Variants in SEMA5B observed in about 807,000 individuals in gnomAD.
SEMA5B encodes semaphorin-5B.
A neutral mutation model predicts 135.0 loss-of-function variants in SEMA5B; 66 were observed. The ratio of observed to expected loss-of-function variants is 0.49; its 90% CI spans 0.40 to 0.60. The LOEUF is 0.60. Ranked by LOEUF, SEMA5B falls within the 20% of genes least tolerant of loss-of-function variation. The probability of loss-of-function intolerance (pLI) is 0.00; values close to 1 mark genes in which losing one functional copy is unlikely to be tolerated. For synonymous variants in SEMA5B, 690 were observed against 639.5 expected, an observed-to-expected ratio of 1.08 and a Z score of -1.19; for missense variants, 1,501 against 1,566.3, an observed-to-expected ratio of 0.96 and a Z score of 0.70.
chr3:122,967,151 C>T (rs893327980), intron 1 of SEMA5B, among the ~76,000 whole-genome samples: 16 of 152,210 alleles, frequency 1.1e-4, no homozygotes, highest in African/African-American at 3.6e-4. Flanking sequence ...TCCCAAAGTG[C>T]TGGGATTACA....
At chr3:123,013,986 G>A (rs1942496134) in intron 1 of SEMA5B, among the ~76,000 whole-genome samples, 4 of 152,226 alleles carry the variant, frequency 2.6e-5, no homozygotes, top group African/African-American at 7.2e-5. Flanking sequence ...GCACAGGAGG[G>A]CCAAGCCGGA....
At chr3:122,962,055 G>C (rs1417457011) in intron 1 of SEMA5B, among the ~76,000 whole-genome samples, 1 of 152,026 alleles carries the variant, frequency 6.6e-6, no homozygotes, top group Non-Finnish European at 1.5e-5. Context: ...GATTACATTG[G>C]GCCCATCTAG....
chr3:123,002,221 T>G (rs1361729181), intron 1 of SEMA5B, among the ~76,000 whole-genome samples: 1 of 152,172 alleles, frequency 6.6e-6, no homozygotes, highest in African/African-American at 2.4e-5. Context: ...TGGAGTCAGG[T>G]GGACAGGCAT....
At chr3:122,922,570 C>A (rs1008032093) in intron 10 of SEMA5B, 123 bp from the exon 11 acceptor site, 4 of 852,280 alleles carry the variant, frequency 4.7e-6, no homozygotes, top group African/African-American at 1.7e-5. Flanking sequence ...CAGCACCCCC[C>A]ACCCCTAGCA....
In SEMA5B at chr3:122,982,532, G is replaced by C. The variant is rs544473008; in HGVS notation, c.-38-21231C>G. 7.2e-5 allele frequency among the ~76,000 whole-genome samples: 11 copies of C among 152,272 alleles called. No individual in the cohort carries two copies. In the East Asian group the frequency reaches 2.1e-3, roughly 29 times the overall value. The stretch of plus-strand genomic sequence containing the variant: ...CTGCCACCGCTCCCGCCCATTACGG[G>C]GATAATTAAGAATTGACTACGGTTG... On this transcript the variant is annotated intron_variant, in intron 1 of 22. Transcript: ENST00000357599.
At chr3:122,923,401 G>A (rs953749737) in intron 10 of SEMA5B, among the ~76,000 whole-genome samples, 80 of 152,268 alleles carry the variant, frequency 5.3e-4, no homozygotes, top group African/African-American at 1.7e-3. Context: ...GAGATGGCTC[G>A]GAGCATGCTT....
chr3:122,989,809 T>C (rs1941821112), intron 1 of SEMA5B, among the ~76,000 whole-genome samples: 1 of 152,172 alleles, frequency 6.6e-6, no homozygotes, highest in Non-Finnish European at 1.5e-5. Context: ...ATTGGTTCCC[T>C]GGGGGAGTAA....
At chr3:122,998,352 A>G (rs1035100582) in intron 1 of SEMA5B, among the ~76,000 whole-genome samples, 1 of 150,860 alleles carries the variant, frequency 6.6e-6, no homozygotes. Context: ...CTTTGGGATC[A>G]AGAACCTTGC....
At chr3:122,963,971 C>T (rs1940703995) in intron 1 of SEMA5B, among the ~76,000 whole-genome samples, 1 of 152,112 alleles carries the variant, frequency 6.6e-6, no homozygotes, top group Admixed American at 6.5e-5. Context: ...TCCCTCTCTC[C>T]CCAGGGCTTC....
At chr3:122,993,480 G>A (rs1941937971) in intron 1 of SEMA5B, among the ~76,000 whole-genome samples, 1 of 152,224 alleles carries the variant, frequency 6.6e-6, no homozygotes, top group African/African-American at 2.4e-5. Context: ...CCAGAGAGCA[G>A]TGGTGTAATG....
chr3:122,953,977 T>C (rs1940170791), intron 2 of SEMA5B, among the ~76,000 whole-genome samples: 1 of 152,266 alleles, frequency 6.6e-6, no homozygotes, highest in African/African-American at 2.4e-5. Flanking sequence ...TGTGGGTGTG[T>C]GAACCCCCAA....
chr3:122,929,125 G>GTAA, intron 5 of SEMA5B, 67 bp from the exon 6 acceptor site: 1 of 1,492,366 alleles, frequency 6.7e-7, no homozygotes, highest in Non-Finnish European at 9.2e-7. Flanking sequence ...CTCACTGGCA[G>GTAA]AGCAGGCAGC....
chr3:123,013,567 A>C (rs1942485870), intron 1 of SEMA5B, among the ~76,000 whole-genome samples: 1 of 152,214 alleles, frequency 6.6e-6, no homozygotes, highest in Non-Finnish European at 1.5e-5. Flanking sequence ...CCACTCTAAC[A>C]GTAAATGGCA....
chr3:122,973,917 C>T (rs910615696), intron 1 of SEMA5B, among the ~76,000 whole-genome samples: 4 of 152,322 alleles, frequency 2.6e-5, no homozygotes, highest in Admixed American at 1.3e-4. Flanking sequence ...ATACCTGGTA[C>T]TCTGGGTCCT....
At chr3:122,947,672 C>T (rs567176517) in intron 3 of SEMA5B, among the ~76,000 whole-genome samples, 5 of 152,302 alleles carry the variant, frequency 3.3e-5, no homozygotes, top group African/African-American at 4.8e-5. Flanking sequence ...AAGGCAGTGA[C>T]GATCTCCTGG....
intron 1 of SEMA5B, among the ~76,000 whole-genome samples, chr3:122,972,703 T>C (rs1036263201): frequency 2.0e-5 from 3 of 152,116 alleles, no homozygotes; most frequent in African/African-American, 7.2e-5. Flanking sequence ...AAAGGTAGTG[T>C]CAGGAATCAT....
chr3:123,009,841 A>G (rs1158950657), intron 1 of SEMA5B, among the ~76,000 whole-genome samples: 4 of 152,218 alleles, frequency 2.6e-5, no homozygotes, highest in Non-Finnish European at 5.9e-5. Flanking sequence ...AACTCGACAC[A>G]CATTTACTGA....
intron 1 of SEMA5B, among the ~76,000 whole-genome samples, chr3:122,977,296 G>A (rs1318562230): frequency 6.6e-6 from 1 of 152,206 alleles, no homozygotes; most frequent in Non-Finnish European, 1.5e-5. Context: ...GAGGAGGAAG[G>A]TGTCCAGAGC....
chr3:122,927,814 G>A lies in SEMA5B; in HGVS notation c.826C>T (p.Gln276Ter). Residue 276 changes from glutamine to a stop codon, truncating the protein, a stop_gained, in exon 8 of 23, where the codon CAA becomes TAA. Transcript: ENST00000357599. LOFTEE classifies it high-confidence loss of function. ...CCATTAAGCCACTTGGAGTTATATT[G>A]GGCAGTGCGAAGCGGTGGCCCACTG... Reference protein sequence around the residue: ...LGSGPPLRTAQYNSKWLNEPN... With the variant: ...LGSGPPLRTA The A allele has an allele frequency of 6.7e-7, 1 of 1,499,966 alleles. No homozygotes were observed. The highest frequency in any genetic ancestry group is 8.9e-7 in the Non-Finnish European group (1 of 1,119,968). The allele number at this position is 1,499,966 out of a possible 1,614,324, so 92.9% of individuals were successfully genotyped here. A position where few individuals can be genotyped will look rare whatever the true frequency, so the allele number is the denominator to read the frequency against.
Sources: gnomAD v4.1 joint callset for allele counts (sites outside exome capture counted in the v4.1 genomes callset) on GRCh38, gnomAD v4.1.1 for gene constraint, MANE v1.5 for transcripts, NCBI Gene and HGNC (gene_info 2026-07-23, HGNC 2026-07-21) for gene names.